The following ARPP21 variants were observed in gnomAD, a reference collection of about 807,000 sequenced individuals.
ARPP21 encodes the protein cAMP regulated phosphoprotein 21, also known as cAMP-regulated phosphoprotein 21.
ARPP21 carries 69 observed loss-of-function variants against 113.2 expected under a neutral mutation model. That is an observed-to-expected ratio of 0.61 (90% CI 0.50 to 0.74). ARPP21 has a LOEUF of 0.74. ARPP21 is among the 30% of genes least tolerant of loss of function. ARPP21 has a pLI of 0.00. For missense variants in ARPP21, 1,070 were observed against 1,037.4 expected, an observed-to-expected ratio of 1.03 and a Z score of -0.43; for synonymous variants, 368 against 375.5, an observed-to-expected ratio of 0.98 and a Z score of 0.23.
chr3:35,667,025 G>A (rs559437478), intron 1 of ARPP21, among the ~76,000 whole-genome samples: 3 of 152,106 alleles, frequency 2.0e-5, no homozygotes, highest in Non-Finnish European at 2.9e-5. Context: ...TGAAGTCCCA[G>A]AACCAATCTG....
chr3:35,655,555 T>C (rs937691135), intron 1 of ARPP21, among the ~76,000 whole-genome samples: 2 of 152,030 alleles, frequency 1.3e-5, no homozygotes, highest in Non-Finnish European at 1.5e-5. Context: ...GGGGTTTCTG[T>C]ACACTTTAGA....
intron 13 of ARPP21, among the ~76,000 whole-genome samples, chr3:35,717,759 T>G (rs1233766032): frequency 1.3e-5 from 2 of 152,144 alleles, no homozygotes; most frequent in African/African-American, 4.8e-5. Flanking sequence ...TAATTTTATC[T>G]GTTATATTAT....
At chr3:35,707,610 T>C (rs146747909) in intron 10 of ARPP21, 1 of 449,132 alleles carries the variant, frequency 2.2e-6, no homozygotes, top group African/African-American at 2.0e-5. Flanking sequence ...GTTCATGTTT[T>C]AGTCTTTTAT....
At chr3:35,663,643 T>A (rs944299843) in intron 1 of ARPP21, among the ~76,000 whole-genome samples, 2 of 152,038 alleles carry the variant, frequency 1.3e-5, no homozygotes, top group African/African-American at 4.8e-5. Context: ...GATTTCACAA[T>A]GTTTGAAGGT....
At chr3:35,708,929 G>A (rs372652980) in intron 10 of ARPP21, 40 bp from the exon 11 acceptor site, 90 of 1,419,004 alleles carry the variant, frequency 6.3e-5, no homozygotes, top group Admixed American at 3.6e-4. Flanking sequence ...TTCTAACAAC[G>A]CAACTTGGAT....
intron 1 of ARPP21, chr3:35,650,457 A>G (rs983228468): frequency 2.0e-5 from 3 of 152,262 alleles, no homozygotes; most frequent in African/African-American, 7.2e-5. Context: ...GAGTTTCACA[A>G]AAATCCAAAG....
chr3:35,666,146 C>T (rs968020601), intron 1 of ARPP21, among the ~76,000 whole-genome samples: 11 of 151,884 alleles, frequency 7.2e-5, no homozygotes, highest in Non-Finnish European at 1.5e-4. Flanking sequence ...AAATGAATAC[C>T]GATGTTGTCA....
intron 19 of ARPP21, among the ~76,000 whole-genome samples, chr3:35,772,794 T>C (rs1039108797): frequency 1.3e-5 from 2 of 152,206 alleles, no homozygotes; most frequent in East Asian, 3.9e-4. Flanking sequence ...TTTGGATGCC[T>C]GAAAACAGCT....
At chr3:35,678,594 T>G (rs2078099755) in intron 1 of ARPP21, among the ~76,000 whole-genome samples, 1 of 151,972 alleles carries the variant, frequency 6.6e-6, no homozygotes, top group African/African-American at 2.4e-5. Context: ...TAATCATCCA[T>G]CTTCATAAAA....
chr3:35,639,360 G>A (rs1179997729), upstream of ARPP21, among the ~76,000 whole-genome samples: 2 of 151,986 alleles, frequency 1.3e-5, no homozygotes, highest in Non-Finnish European at 2.9e-5. This position sits in a 1 kb window ranked among gnomAD's most constrained non-coding sequence, Gnocchi z 5.0. Context: ...TGGCGGGTCT[G>A]GGGCCCGGGG....
chr3:35,738,735 T>C (rs1257170461), intron 17 of ARPP21, among the ~76,000 whole-genome samples: 3 of 152,182 alleles, frequency 2.0e-5, no homozygotes, highest in African/African-American at 7.2e-5. Context: ...TTTTCTTTCA[T>C]TTTTCCCTCA....
chr3:35,702,944 T>A (rs2087027121), intron 9 of ARPP21, among the ~76,000 whole-genome samples: 1 of 151,910 alleles, frequency 6.6e-6, no homozygotes, highest in Non-Finnish European at 1.5e-5. Flanking sequence ...ACTATTAAAG[T>A]GCTTTTGATA....
chr3:35,682,153 G>A (rs529314780), intron 3 of ARPP21, among the ~76,000 whole-genome samples: 1 of 151,810 alleles, frequency 6.6e-6, no homozygotes, highest in African/African-American at 2.4e-5. Context: ...ACACCTCAAG[G>A]TGTACATAGA....
intron 11 of ARPP21, among the ~76,000 whole-genome samples, chr3:35,712,561 T>TGA (rs1553690287): frequency 0.024 from 3,488 of 143,578 alleles, 106 homozygotes; most frequent in East Asian, 0.076. Flanking sequence ...TGTGTGTGTG[T>TGA]GAAAGAGAGA....
intron 19 of ARPP21, among the ~76,000 whole-genome samples, chr3:35,770,355 A>C (rs1208916532): frequency 2.6e-5 from 4 of 152,220 alleles, no homozygotes; most frequent in Non-Finnish European, 4.4e-5. Flanking sequence ...TGGCAAGATT[A>C]GTAAAATGGT....
chr3:35,741,281 G>C (rs1395803637), intron 18 of ARPP21, among the ~76,000 whole-genome samples: 1 of 152,184 alleles, frequency 6.6e-6, no homozygotes, highest in East Asian at 1.9e-4. Flanking sequence ...GATAGAAAGA[G>C]AGGGAGATAA....
intron 19 of ARPP21, chr3:35,785,253 C>T (rs891883454): frequency 6.6e-6 from 1 of 152,158 alleles, no homozygotes; most frequent in Non-Finnish European, 1.5e-5. Flanking sequence ...TCTTCTAAGC[C>T]ATGCAACCTC....
intron 18 of ARPP21, among the ~76,000 whole-genome samples, chr3:35,741,194 A>G (rs898547694): frequency 2.6e-5 from 4 of 152,238 alleles, no homozygotes; most frequent in African/African-American, 9.6e-5. Context: ...TCCACTGCAG[A>G]AACAAAAGCA....
intron 8 of ARPP21, 126 bp from the exon 9 acceptor site, chr3:35,690,739 G>T: frequency 1.2e-6 from 1 of 842,298 alleles, no homozygotes. Context: ...ATTAAGTGAT[G>T]CCAGAAATGC....
Sources: allele counts gnomAD v4.1 joint callset (sites outside exome capture counted in the v4.1 genomes callset), GRCh38; gene constraint gnomAD v4.1.1; non-coding constraint Gnocchi (gnomAD v3.1); transcripts MANE v1.5; gene names NCBI Gene and HGNC (gene_info 2026-07-23, HGNC 2026-07-21).